Variants in NFE2L3 observed in about 807,000 individuals in gnomAD.
The protein encoded by NFE2L3 is NFE2 like bZIP transcription factor 3, also known as nuclear factor erythroid 2-related factor 3.
In NFE2L3, 18 loss-of-function variants were observed where a neutral mutation model predicts 23.5. That is an observed-to-expected ratio of 0.77 (90% CI 0.53 to 1.13). The LOEUF is 1.13. NFE2L3 is among the 50% of genes most tolerant of loss of function. The probability of loss-of-function intolerance (pLI) is 0.00; values close to 1 mark genes in which losing one functional copy is unlikely to be tolerated. For synonymous variants in NFE2L3, 424 were observed against 354.5 expected, an observed-to-expected ratio of 1.20 and a Z score of -2.20; for missense variants, 1,152 against 877.2, an observed-to-expected ratio of 1.31 and a Z score of -3.96.
At chr7:26,180,839 T>G (rs1050830404) in intron 2 of NFE2L3, among the ~76,000 whole-genome samples, 3 of 152,086 alleles carry the variant, frequency 2.0e-5, no homozygotes, top group Non-Finnish European at 4.4e-5. Context: ...GACAAAACTT[T>G]TCAGAAACAT....
intron 1 of NFE2L3, among the ~76,000 whole-genome samples, chr7:26,167,684 C>G (rs966177819): frequency 6.6e-5 from 10 of 152,166 alleles, no homozygotes; most frequent in Non-Finnish European, 1.5e-4. Context: ...AAAACATACT[C>G]TGTATCTCAG....
At chr7:26,174,421 C>A (rs556660628) in intron 1 of NFE2L3, 1 of 152,040 alleles carries the variant, frequency 6.6e-6, no homozygotes, top group Non-Finnish European at 1.5e-5. Context: ...TAGGCTGATG[C>A]GAATTGTCCA....
rs1782477726 is a variant in NFE2L3, at chr7:26,186,049, G to A, written c.*266G>A. On this transcript the variant is annotated 3_prime_UTR_variant, in exon 4 of 4. Transcript: ENST00000056233. ...TTATGTCCAAAGAATAGGTTAACATGAAAACCCAGTAAGACTTTCCATCTT... is the reference window on the plus strand; with the variant it reads ...TTATGTCCAAAGAATAGGTTAACATAAAAACCCAGTAAGACTTTCCATCTT... 1 of 287,850 alleles carries A rather than the reference G, an allele frequency of 3.5e-6. No homozygotes were observed. Among genetic ancestry groups the A allele is most frequent in the Admixed American group, 4.9e-5 (1 of 20,348 alleles). 17.8% of individuals were successfully genotyped at this position (287,850 alleles called of 1,614,324 possible). A position where few individuals can be genotyped will look rare whatever the true frequency, so the allele number is the denominator to read the frequency against.
intron 1 of NFE2L3, among the ~76,000 whole-genome samples, chr7:26,168,030 C>G (rs1011737101): frequency 1.6e-4 from 24 of 152,000 alleles, no homozygotes; most frequent in African/African-American, 4.8e-4. Flanking sequence ...CACTCATCAC[C>G]CAAGTAGTAT....
chr7:26,169,958 A>G (rs1316901193), intron 1 of NFE2L3, among the ~76,000 whole-genome samples: 1 of 152,004 alleles, frequency 6.6e-6, no homozygotes, highest in African/African-American at 2.4e-5. Context: ...GCTTCTTAAG[A>G]GCTATGCAGT....
intron 1 of NFE2L3, among the ~76,000 whole-genome samples, chr7:26,176,845 G>A (rs61915614): frequency 0.027 from 2,445 of 89,134 alleles, 350 homozygotes; most frequent in East Asian, 0.15. Flanking sequence ...CTTCCCAGAC[G>A]ATGGGTGGCC....
At position 26,185,292 on chromosome 7, in the gene NFE2L3, G is replaced by A. The variant is rs371060821; in HGVS notation, c.1594G>A (p.Asp532Asn). ...KIRSRYLEDT[D>N]RNLSRDEQRA... The stretch of plus-strand genomic sequence containing the variant: ...AAGGAGTAGATACCTTGAAGACACA[G>A]ATAGAAACTTGAGCCGTGATGAACA... The change falls in exon 4 of 4, where the codon GAT becomes AAT. Residue 532 changes from aspartate to asparagine, a missense_variant. Coordinates refer to ENST00000056233, the MANE Select transcript of NFE2L3 (RefSeq NM_004289.7). The A allele has an allele frequency of 5.0e-6, 8 of 1,614,050 alleles. No individual in the cohort carries two copies. The highest frequency in any genetic ancestry group is 2.7e-5 in the African/African-American group (2 of 75,032).
At chr7:26,182,027 A>C (rs1169101036) in intron 2 of NFE2L3, among the ~76,000 whole-genome samples, 1 of 151,970 alleles carries the variant, frequency 6.6e-6, no homozygotes, top group Non-Finnish European at 1.5e-5. Flanking sequence ...ATAAAATATG[A>C]AAGATAAGCA....
At chr7:26,167,769 T>C (rs1028258060) in intron 1 of NFE2L3, among the ~76,000 whole-genome samples, 2 of 152,182 alleles carry the variant, frequency 1.3e-5, no homozygotes, top group African/African-American at 4.8e-5. Context: ...TAGGGCTAGC[T>C]GGTTTTGCTT....
intron 2 of NFE2L3, among the ~76,000 whole-genome samples, chr7:26,178,439 G>GTCC (rs1015582487): frequency 1.3e-5 from 2 of 152,182 alleles, no homozygotes; most frequent in African/African-American, 4.8e-5. Flanking sequence ...GAACCTAGGA[G>GTCC]TCCTCAACCA....
At chr7:26,182,310 A>C (rs1378021951) in intron 2 of NFE2L3, among the ~76,000 whole-genome samples, 2 of 121,136 alleles carry the variant, frequency 1.7e-5, no homozygotes, top group Non-Finnish European at 3.2e-5. Flanking sequence ...TTAACTCATC[A>C]TTTAAGCATG....
chr7:26,162,914 G>A (rs748145843), intron 1 of NFE2L3, among the ~76,000 whole-genome samples: 12 of 152,058 alleles, frequency 7.9e-5, no homozygotes, highest in Non-Finnish European at 1.6e-4. Flanking sequence ...GTTTCACCAT[G>A]TTGCCCAGGG....
At chr7:26,167,846 CAGT>C (rs1784274246) in intron 1 of NFE2L3, among the ~76,000 whole-genome samples, 1 of 152,130 alleles carries the variant, frequency 6.6e-6, no homozygotes. Flanking sequence ...AATCAAAAAG[CAGT>C]AGCAAGGAGT....
At position 26,185,772 on chromosome 7, in the gene NFE2L3, A is replaced by G. The variant is rs1562681721; in HGVS notation, c.2074A>G (p.Lys692Glu). The G allele has an allele frequency of 6.3e-7, 1 of 1,580,030 alleles. No homozygotes were observed. The highest frequency in any genetic ancestry group is 8.5e-7 in the Non-Finnish European group (1 of 1,171,256). Residue 692 changes from lysine to glutamate, a missense_variant, in exon 4 of 4, where the codon AAG becomes GAG. Transcript: ENST00000056233. ...SGHKKETQKG[K>E]RK ...CCACAAAAAGGAAACCCAAAAGGGA[A>G]AGAGAAAGTGAGAAGAAACTGAAGA...
At chr7:26,177,877 G>C (rs1405874674) in intron 1 of NFE2L3, 66 bp from the exon 2 acceptor site, 40 of 1,399,296 alleles carry the variant, frequency 2.9e-5, no homozygotes, top group Non-Finnish European at 3.7e-5. Context: ...CATGGTCCCT[G>C]AACAATAAGC....
At chr7:26,175,883 G>A (rs958951021) in intron 1 of NFE2L3, among the ~76,000 whole-genome samples, 1 of 86,836 alleles carries the variant, frequency 1.2e-5, no homozygotes, top group African/African-American at 4.6e-5. Flanking sequence ...AGTATTTATT[G>A]ATCATTCTTG....
rs115006754 is a variant in NFE2L3, at chr7:26,173,544, A to C, written c.571-4399A>C. The stretch of plus-strand genomic sequence containing the variant: ...CAAAGTTAGCTGCCTCGGGTATCCA[A>C]AGTTTTTAATTTAATTATATTCAGA... On this transcript the variant is annotated intron_variant, in intron 1 of 3. Coordinates refer to ENST00000056233, the MANE Select transcript of NFE2L3 (RefSeq NM_004289.7). The C allele has an allele frequency of 5.4e-3, 816 of 152,308 alleles. 5 individuals carry two copies. The highest frequency in any genetic ancestry group is 0.019 in the African/African-American group (783 of 41,552). 9.4% of individuals were successfully genotyped at this position (152,308 alleles called of 1,614,324 possible). A position where few individuals can be genotyped will look rare whatever the true frequency, so the allele number is the denominator to read the frequency against.
chr7:26,177,870 G>T, intron 1 of NFE2L3, 73 bp from the exon 2 acceptor site: 1 of 1,282,234 alleles, frequency 7.8e-7, no homozygotes, highest in Non-Finnish European at 1.1e-6. Context: ...GGGTTTTCAT[G>T]GTCCCTGAAC....
intron 1 of NFE2L3, among the ~76,000 whole-genome samples, chr7:26,162,711 A>G (rs1411836690): frequency 1.3e-5 from 2 of 148,606 alleles, no homozygotes; most frequent in African/African-American, 2.5e-5. Context: ...AGTTTAGACT[A>G]TTTCTTTTTT....
Sources: allele counts gnomAD v4.1 joint callset (sites outside exome capture counted in the v4.1 genomes callset), GRCh38; gene constraint gnomAD v4.1.1; transcripts MANE v1.5; gene names NCBI Gene and HGNC (gene_info 2026-07-23, HGNC 2026-07-21).